KCNK9: variants seen among roughly 807,000 people sequenced by gnomAD.
KCNK9 encodes the protein potassium two pore domain channel subfamily K member 9.
In KCNK9, 1 loss-of-function variant was observed where a neutral mutation model predicts 10.8. The ratio of observed to expected loss-of-function variants is 0.09; its 90% confidence interval spans 0.03 to 0.44. The LOEUF (loss-of-function observed/expected upper bound fraction) is 0.44, where lower values mean the gene tolerates loss of function less well. Ranked by LOEUF, KCNK9 falls within the 20% of genes least tolerant of loss-of-function variation. The probability of loss-of-function intolerance (pLI) is 0.97; values close to 1 mark genes in which losing one functional copy is unlikely to be tolerated. For missense variants in KCNK9, 303 were observed against 515.0 expected (o/e 0.59, Z 3.98); for synonymous variants, 231 against 222.7 (o/e 1.04, Z -0.33).
chr8:139,604,479 C>T (rs549113500), intron 2 of KCNK9, among the ~76,000 whole-genome samples: 6 of 152,136 alleles, frequency 3.9e-5, no homozygotes, highest in Non-Finnish European at 7.4e-5. Context: ...GCCACGCGGG[C>T]GCATCTGCAC....
rs28665474 is a variant in KCNK9 at position 139,632,008 on chromosome 8, C to T, written c.284-12909G>A. Among the ~76,000 whole-genome samples the T allele has an allele frequency of 3.4e-3, 517 of 152,302 alleles. 1 individual carries two copies. Among genetic ancestry groups the T allele is most frequent in the African/African-American group, 0.011 (472 of 41,558 alleles). On this transcript the variant is annotated intron_variant, in intron 1 of 1. Transcript: ENST00000520439. ...CCGAGTTACTGGGAGCTGTAAGTTC[C>T]GGTCAAACCAGACCAGATGAGAACC...
intron 1 of KCNK9, among the ~76,000 whole-genome samples, chr8:139,644,932 C>A (rs1034578457): frequency 3.9e-5 from 6 of 152,222 alleles, no homozygotes; most frequent in East Asian, 3.9e-4. Flanking sequence ...TGCCTCCCCC[C>A]ACATCCCCGC....
intron 1 of KCNK9, among the ~76,000 whole-genome samples, chr8:139,665,191 G>C (rs917670166): frequency 6.6e-6 from 1 of 152,194 alleles, no homozygotes; most frequent in Non-Finnish European, 1.5e-5. Flanking sequence ...AGGGGTCGCA[G>C]GGCTGCCTAC....
At chr8:139,678,614 C>T (rs1816615397) in intron 1 of KCNK9, among the ~76,000 whole-genome samples, 1 of 152,264 alleles carries the variant, frequency 6.6e-6, no homozygotes, top group Non-Finnish European at 1.5e-5. Context: ...GGAGAAAGTC[C>T]TGGATGCAGC....
chr8:139,696,928 G>T (rs1341215420), intron 1 of KCNK9, among the ~76,000 whole-genome samples: 1 of 150,578 alleles, frequency 6.6e-6, no homozygotes, highest in African/African-American at 2.4e-5. Flanking sequence ...TGGATGGATA[G>T]ATGGATGAAG....
chr8:139,610,459 C>T (rs1247450271), downstream of KCNK9, among the ~76,000 whole-genome samples: 2 of 152,096 alleles, frequency 1.3e-5, no homozygotes, highest in African/African-American at 2.4e-5. Flanking sequence ...TAGTTTCATG[C>T]TAGTCTTTGG....
chr8:139,624,342 C>T (rs1385086979), intron 1 of KCNK9, among the ~76,000 whole-genome samples: 1 of 152,216 alleles, frequency 6.6e-6, no homozygotes, highest in Non-Finnish European at 1.5e-5. Context: ...TCCAGCACTG[C>T]TCACACAGCA....
At chr8:139,648,001 G>A (rs1335569796) in intron 1 of KCNK9, among the ~76,000 whole-genome samples, 19 of 152,182 alleles carry the variant, frequency 1.2e-4, no homozygotes, top group Non-Finnish European at 4.4e-5. Flanking sequence ...GTGCATAGCA[G>A]CACGCTAGCT....
At chr8:139,657,752 A>AT (rs970410392) in intron 1 of KCNK9, among the ~76,000 whole-genome samples, 17 of 152,190 alleles carry the variant, frequency 1.1e-4, no homozygotes, top group Non-Finnish European at 2.4e-4. Context: ...GCCCCATTTT[A>AT]TTCATAAAAG....
intron 1 of KCNK9, among the ~76,000 whole-genome samples, chr8:139,695,909 TG>T (rs917633157): frequency 2.6e-5 from 4 of 152,196 alleles, no homozygotes; most frequent in African/African-American, 9.7e-5. Flanking sequence ...GCCAACCCTC[TG>T]GGGCCAGCTC....
At chr8:139,701,905 T>C (rs1817228866) in intron 1 of KCNK9, among the ~76,000 whole-genome samples, 1 of 152,146 alleles carries the variant, frequency 6.6e-6, no homozygotes, top group African/African-American at 2.4e-5. Context: ...ATCCCTGCAG[T>C]TTACCAGCTG....
intron 1 of KCNK9, among the ~76,000 whole-genome samples, chr8:139,641,630 GCCC>G (rs10571858): frequency 0.4 from 61,275 of 151,578 alleles, 12,858 homozygotes; most frequent in Middle Eastern, 0.47. Flanking sequence ...GCTCTGGCCT[GCCC>G]CCCCCCCGCA....
intron 1 of KCNK9, among the ~76,000 whole-genome samples, chr8:139,671,929 C>T (rs1287477130): frequency 6.6e-6 from 1 of 152,210 alleles, no homozygotes; most frequent in East Asian, 1.9e-4. Context: ...CGGCCCCCAC[C>T]TGTCCTCATG....
chr8:139,624,033 C>A (rs529816959), intron 1 of KCNK9, among the ~76,000 whole-genome samples: 3 of 152,166 alleles, frequency 2.0e-5, no homozygotes, highest in Admixed American at 1.3e-4. Context: ...ATGCCTGGCA[C>A]CCCCTACAGG....
At chr8:139,629,373 C>G (rs961017931) in intron 1 of KCNK9, among the ~76,000 whole-genome samples, 6 of 152,244 alleles carry the variant, frequency 3.9e-5, no homozygotes, top group African/African-American at 1.4e-4. Context: ...GCATTTTTAG[C>G]AACTTCACAT....
Position 139,648,119 on chromosome 8 carries a change from C to T in KCNK9, c.284-29020G>A, listed in dbSNP as rs749639877. 1.9e-4 allele frequency among the ~76,000 whole-genome samples: 29 copies of T among 152,136 alleles called. 1 individual carries two copies. Among genetic ancestry groups the T allele is most frequent in the Admixed American group, 6.6e-5 (1 of 15,264 alleles). ...AAAGAGGTACGGACACATTGCAACA[C>T]GGAAGAGCCTCGAAAACCTAATGCT... On this transcript the variant is annotated intron_variant, in intron 1 of 1. Transcript: ENST00000520439.
intron 1 of KCNK9, among the ~76,000 whole-genome samples, chr8:139,664,347 G>A (rs112706105): frequency 7.2e-5 from 11 of 152,252 alleles, no homozygotes; most frequent in African/African-American, 1.4e-4. Flanking sequence ...CCAGGGAGCT[G>A]CTCTGTCTCC....
chr8:139,653,762 T>C (rs915719511), intron 1 of KCNK9, among the ~76,000 whole-genome samples: 1 of 152,208 alleles, frequency 6.6e-6, no homozygotes, highest in African/African-American at 2.4e-5. Flanking sequence ...GGCGGCATTA[T>C]CAGCTCAAGA....
intron 1 of KCNK9, among the ~76,000 whole-genome samples, chr8:139,652,826 C>A (rs1815909448): frequency 6.6e-6 from 1 of 152,188 alleles, no homozygotes; most frequent in Non-Finnish European, 1.5e-5. Context: ...CTCCTAGGGC[C>A]TAGATTCTGG....
Sources: allele counts gnomAD v4.1 joint callset (sites outside exome capture counted in the v4.1 genomes callset), GRCh38; gene constraint gnomAD v4.1.1; transcripts MANE v1.5; gene names NCBI Gene and HGNC (gene_info 2026-07-23, HGNC 2026-07-21).